Variants in FHIT observed in about 807,000 individuals in gnomAD.
The protein encoded by FHIT is fragile histidine triad diadenosine triphosphatase, also known as bis(5'-adenosyl)-triphosphatase.
A neutral mutation model predicts 17.9 loss-of-function variants in FHIT; 19 were observed. The observed-to-expected ratio is 1.06, with a 90% CI of 0.74 to 1.56. The LOEUF is 1.56. FHIT is among the 40% of genes most tolerant of loss of function. The pLI is 0.00. For synonymous variants in FHIT, 81 were observed against 69.7 expected (o/e 1.16, Z -0.81); for missense variants, 248 against 189.2 (o/e 1.31, Z -1.82).
intron 8 of FHIT, among the ~76,000 whole-genome samples, chr3:59,775,654 T>C (rs1285421048): frequency 6.6e-6 from 1 of 152,234 alleles, no homozygotes; most frequent in Non-Finnish European, 1.5e-5. Flanking sequence ...GTGGCCTGTA[T>C]GTGAGGATGA....
chr3:60,304,495 G>T (rs956191895), intron 5 of FHIT, among the ~76,000 whole-genome samples: 1 of 151,646 alleles, frequency 6.6e-6, no homozygotes, highest in African/African-American at 2.4e-5. Context: ...AACCTTAGAG[G>T]TCATGGCCAC....
intron 5 of FHIT, among the ~76,000 whole-genome samples, chr3:60,380,638 T>C (rs149611318): frequency 4.8e-4 from 73 of 152,286 alleles, no homozygotes; most frequent in African/African-American, 1.8e-3. Context: ...TATCTACATG[T>C]CTCCGTACAC....
intron 3 of FHIT, among the ~76,000 whole-genome samples, chr3:61,003,816 C>G (rs2031262395): frequency 6.6e-6 from 1 of 152,252 alleles, no homozygotes; most frequent in Non-Finnish European, 1.5e-5. Context: ...CCTAGTTTTT[C>G]TCTTATAGCA....
intron 4 of FHIT, among the ~76,000 whole-genome samples, chr3:60,648,699 C>G (rs1035800525): frequency 6.6e-6 from 1 of 152,176 alleles, no homozygotes; most frequent in South Asian, 2.1e-4. Flanking sequence ...GCAAAACTCT[C>G]CAGAGCTAAG....
At chr3:60,400,457 T>A (rs1422937652) in intron 5 of FHIT, among the ~76,000 whole-genome samples, 1 of 152,130 alleles carries the variant, frequency 6.6e-6, no homozygotes, top group Non-Finnish European at 1.5e-5. Context: ...TACCCTCTTA[T>A]CTCTATACCT....
At chr3:60,699,487 T>C (rs2041189658) in intron 4 of FHIT, among the ~76,000 whole-genome samples, 1 of 152,206 alleles carries the variant, frequency 6.6e-6, no homozygotes, top group Non-Finnish European at 1.5e-5. Context: ...AGAGTTTTAC[T>C]GGTGTTTTAT....
chr3:61,092,502 AAT>A (rs111254876), intron 2 of FHIT, among the ~76,000 whole-genome samples: 51 of 149,202 alleles, frequency 3.4e-4, no homozygotes, highest in Admixed American at 7.4e-4. Flanking sequence ...GTCCCTTAAA[AAT>A]ATATATATAT....
intron 5 of FHIT, among the ~76,000 whole-genome samples, chr3:60,311,166 T>C (rs935806884): frequency 2.0e-5 from 3 of 152,122 alleles, no homozygotes; most frequent in East Asian, 1.9e-4. Context: ...AACTCTTAAG[T>C]CTCCTTTAAC....
rs111802090 is a variant in FHIT at position 61,241,845 on chromosome 3, A to G, written c.-213+9456T>C. On this transcript the variant is annotated intron_variant, in intron 1 of 9. Transcript: ENST00000492590. ...CTTCTATTCCCACTTATTCATCATTAAAAGAAAACACTGGCATACAAACAA... is the reference window on the plus strand; with the variant it reads ...CTTCTATTCCCACTTATTCATCATTGAAAGAAAACACTGGCATACAAACAA... Among the ~76,000 whole-genome samples the G allele has an allele frequency of 4.6e-3, 695 of 152,318 alleles. 4 individuals are homozygous for G. Among genetic ancestry groups the G allele is most frequent in the African/African-American group, 0.016 (652 of 41,562 alleles).
At chr3:60,107,143 TTTAA>T (rs1458766988) in intron 5 of FHIT, among the ~76,000 whole-genome samples, 14 of 134,324 alleles carry the variant, frequency 1.0e-4, no homozygotes, top group Admixed American at 1.8e-4. Context: ...CTTTAAAAGC[TTTAA>T]TTCTTTTTTT....
intron 5 of FHIT, among the ~76,000 whole-genome samples, chr3:60,532,663 G>C (rs1368066180): frequency 6.6e-6 from 1 of 152,162 alleles, no homozygotes; most frequent in African/African-American, 2.4e-5. Flanking sequence ...CTGTTCAATA[G>C]GCTTTAAACA....
intron 4 of FHIT, among the ~76,000 whole-genome samples, chr3:60,685,274 T>G (rs1473496704): frequency 6.6e-6 from 1 of 152,188 alleles, no homozygotes; most frequent in Non-Finnish European, 1.5e-5. Context: ...ATTTGTATGC[T>G]TTTCTCCCGC....
intron 5 of FHIT, among the ~76,000 whole-genome samples, chr3:60,523,069 C>T (rs774446657): frequency 3.3e-5 from 5 of 152,090 alleles, no homozygotes; most frequent in Non-Finnish European, 5.9e-5. Flanking sequence ...CAGCAAATCT[C>T]GTGAGACTTA....
At chr3:60,697,929 C>T (rs2041151606) in intron 4 of FHIT, among the ~76,000 whole-genome samples, 1 of 152,042 alleles carries the variant, frequency 6.6e-6, no homozygotes, top group Non-Finnish European at 1.5e-5. Flanking sequence ...TTTTTATGTG[C>T]ATTTGTTTAC....
intron 8 of FHIT, among the ~76,000 whole-genome samples, chr3:59,903,339 T>C (rs1335418577): frequency 6.6e-6 from 1 of 152,108 alleles, no homozygotes; most frequent in Non-Finnish European, 1.5e-5. Context: ...GGTGATGAAA[T>C]TATTCTGGAA....
At chr3:60,240,456 G>C (rs1387712690) in intron 5 of FHIT, among the ~76,000 whole-genome samples, 1 of 152,124 alleles carries the variant, frequency 6.6e-6, no homozygotes, top group Non-Finnish European at 1.5e-5. Flanking sequence ...AGCTAATGAA[G>C]ACTTCAATAT....
Position 61,071,776 on chromosome 3 carries a change from G to A in FHIT, c.-163-29677C>T, listed in dbSNP as rs562587121. On this transcript the variant is annotated intron_variant, in intron 2 of 9. Coordinates refer to ENST00000492590, the MANE Select transcript of FHIT (RefSeq NM_002012.4). ...TTGAGTGTATAAGCAGGGTGTGTGT[G>A]TTTACAAAGACAAAGATGAAATACC... 8.7e-4 allele frequency among the ~76,000 whole-genome samples: 132 copies of A among 152,010 alleles called. 1 individual carries two copies. The highest frequency in any genetic ancestry group is 1.2e-3 in the Non-Finnish European group (83 of 68,020).
At chr3:60,959,129 T>G (rs1425647202) in intron 3 of FHIT, among the ~76,000 whole-genome samples, 1 of 152,202 alleles carries the variant, frequency 6.6e-6, no homozygotes, top group Non-Finnish European at 1.5e-5. Flanking sequence ...GCAGCATTTA[T>G]GATTATTTAA....
At chr3:60,310,219 G>A (rs958882701) in intron 5 of FHIT, among the ~76,000 whole-genome samples, 1 of 152,152 alleles carries the variant, frequency 6.6e-6, no homozygotes, top group Admixed American at 6.5e-5. Context: ...TTATTTGAAG[G>A]CTTTTGACCC....
Sources: gnomAD v4.1 joint callset for allele counts (sites outside exome capture counted in the v4.1 genomes callset) on GRCh38, gnomAD v4.1.1 for gene constraint, MANE v1.5 for transcripts, NCBI Gene and HGNC (gene_info 2026-07-23, HGNC 2026-07-21) for gene names.